The following FSHR variants were observed in gnomAD, a reference collection of about 807,000 sequenced individuals.
FSHR encodes follicle-stimulating hormone receptor.
A neutral mutation model predicts 52.1 loss-of-function variants in FSHR; 46 were observed. The ratio of observed to expected loss-of-function variants is 0.88; its 90% CI spans 0.70 to 1.13. The LOEUF (loss-of-function observed/expected upper bound fraction) is 1.13. Among genes scored for constraint, FSHR ranks in the 50% most tolerant of loss-of-function variants. FSHR has a pLI of 0.00. For synonymous variants in FSHR, 399 were observed against 309.6 expected, an observed-to-expected ratio of 1.29 and a Z score of -3.03; for missense variants, 964 against 834.6, an observed-to-expected ratio of 1.16 and a Z score of -1.91.
chr2:49,030,359 C>T (rs1031167622), intron 2 of FSHR, among the ~76,000 whole-genome samples: 1 of 151,270 alleles, frequency 6.6e-6, no homozygotes, highest in African/African-American at 2.4e-5. Flanking sequence ...CAGAGCACCC[C>T]AAAACCTTCC....
At chr2:49,147,670 A>G (rs1217975178) in intron 1 of FSHR, among the ~76,000 whole-genome samples, 4 of 152,000 alleles carry the variant, frequency 2.6e-5, no homozygotes, top group African/African-American at 7.2e-5. Flanking sequence ...TTTCCCTGCA[A>G]TGTAATTTCC....
At chr2:49,129,340 G>T (rs1012245816) in intron 1 of FSHR, among the ~76,000 whole-genome samples, 1 of 152,136 alleles carries the variant, frequency 6.6e-6, no homozygotes, top group African/African-American at 2.4e-5. Flanking sequence ...CTAGTCAGTA[G>T]GGGCTGCTAA....
At chr2:49,022,738 A>T (rs1667779357) in intron 2 of FSHR, among the ~76,000 whole-genome samples, 1 of 152,082 alleles carries the variant, frequency 6.6e-6, no homozygotes, top group Non-Finnish European at 1.5e-5. Flanking sequence ...TTTGTTGCAA[A>T]ATAAGGGGAT....
At chr2:49,109,446 T>C (rs1671348660) in intron 1 of FSHR, among the ~76,000 whole-genome samples, 1 of 152,154 alleles carries the variant, frequency 6.6e-6, no homozygotes. Flanking sequence ...ATACAGATAA[T>C]TCTGACTACA....
chr2:49,003,175 T>A (rs1412205142), intron 4 of FSHR, among the ~76,000 whole-genome samples: 1 of 152,166 alleles, frequency 6.6e-6, no homozygotes, highest in Non-Finnish European at 1.5e-5. Context: ...GTGGAGCATT[T>A]TTCACTTCAG....
At chr2:49,023,949 A>C (rs1667830382) in intron 2 of FSHR, among the ~76,000 whole-genome samples, 1 of 151,676 alleles carries the variant, frequency 6.6e-6, no homozygotes, top group African/African-American at 2.4e-5. Flanking sequence ...GGGTTGGGGT[A>C]GGGTGTTTTC....
chr2:48,984,396 C>A (rs1450807195), intron 6 of FSHR, among the ~76,000 whole-genome samples: 2 of 152,146 alleles, frequency 1.3e-5, no homozygotes, highest in East Asian at 3.8e-4. Context: ...GTAGCTGTGG[C>A]ATGTGGATCC....
At chr2:48,964,993 CAAAA>C (rs200122416) in intron 9 of FSHR, among the ~76,000 whole-genome samples, 75,168 of 142,792 alleles carry the variant, frequency 0.53, 19,269 homozygotes, top group East Asian at 0.68. Context: ...TTTTTGGATG[CAAAA>C]AAAAAAAAAA....
chr2:49,041,388 G>C (rs1005197450), intron 2 of FSHR, among the ~76,000 whole-genome samples: 1 of 152,126 alleles, frequency 6.6e-6, no homozygotes, highest in Non-Finnish European at 1.5e-5. Context: ...TAGCTTCTGA[G>C]GGTGACATGT....
intron 2 of FSHR, among the ~76,000 whole-genome samples, chr2:49,034,841 G>A (rs557828096): frequency 5.3e-5 from 8 of 152,230 alleles, no homozygotes; most frequent in Admixed American, 4.6e-4. Context: ...TCTAGACCTA[G>A]CATTTCTCAC....
At chr2:48,984,370 A>C (rs1300767312) in intron 6 of FSHR, among the ~76,000 whole-genome samples, 1 of 152,202 alleles carries the variant, frequency 6.6e-6, no homozygotes, top group South Asian at 2.1e-4. Flanking sequence ...GTTGCAGGAT[A>C]GTGGGAGTTG....
intron 4 of FSHR, among the ~76,000 whole-genome samples, chr2:49,005,871 C>G (rs377644930): frequency 2.6e-5 from 4 of 152,046 alleles, no homozygotes; most frequent in African/African-American, 9.7e-5. Context: ...AAGGGTGTTA[C>G]CAAAGGAGAT....
Position 48,981,974 on chromosome 2 carries a change from C to A in FSHR, c.668+938G>T, listed in dbSNP as rs545288686. Among the ~76,000 whole-genome samples, 6 of 152,342 alleles carry A rather than the reference C, an allele frequency of 3.9e-5. No homozygotes were observed. In the South Asian group the frequency reaches 1.2e-3, roughly 32 times the overall value. On this transcript the variant is annotated intron_variant, in intron 8 of 9. Transcript: ENST00000406846. ...TTTATTAACATGTTTATCTATTGCT[C>A]TGCTCACCATTCCTTCTTGTACCTC...
At chr2:49,094,502 T>C (rs903203133) in intron 1 of FSHR, among the ~76,000 whole-genome samples, 1 of 152,220 alleles carries the variant, frequency 6.6e-6, no homozygotes, top group African/African-American at 2.4e-5. Context: ...TAACAAATTA[T>C]TAGTTTTCAT....
chr2:49,030,740 T>G (rs2104254082), intron 2 of FSHR, among the ~76,000 whole-genome samples: 1 of 152,314 alleles, frequency 6.6e-6, no homozygotes, highest in African/African-American at 2.4e-5. Flanking sequence ...GTCTGTATTC[T>G]CTGACTCCAT....
chr2:49,123,828 TATC>T (rs1228468038), intron 1 of FSHR, among the ~76,000 whole-genome samples: 1 of 152,010 alleles, frequency 6.6e-6, no homozygotes, highest in Non-Finnish European at 1.5e-5. Flanking sequence ...AATGAGTAGT[TATC>T]ATCAGGGGAG....
At chr2:49,039,886 T>C (rs1285876169) in intron 2 of FSHR, among the ~76,000 whole-genome samples, 3 of 150,630 alleles carry the variant, frequency 2.0e-5, no homozygotes, top group East Asian at 2.0e-4. Flanking sequence ...GGTGGAATTA[T>C]GTAAAATTTT....
chr2:49,021,863 C>CTCTCTCTCTCTCTCTCTATATATATATA (rs1467766420), intron 2 of FSHR, among the ~76,000 whole-genome samples: 1 of 49,864 alleles, frequency 2.0e-5, no homozygotes, highest in Non-Finnish European at 3.7e-5. Flanking sequence ...CTCTCTCTCT[C>CTCTCTCTCTCTCTCTCTATATATATATA]TATATATATA....
At chr2:49,082,265 A>G (rs901868085) in intron 1 of FSHR, among the ~76,000 whole-genome samples, 1 of 152,304 alleles carries the variant, frequency 6.6e-6, no homozygotes. Context: ...GGGTACTCCA[A>G]CAGACCTGCA....
Sources: gnomAD v4.1 joint callset for allele counts (sites outside exome capture counted in the v4.1 genomes callset) on GRCh38, gnomAD v4.1.1 for gene constraint, MANE v1.5 for transcripts, NCBI Gene and HGNC (gene_info 2026-07-23, HGNC 2026-07-21) for gene names.